Variants in EYS observed in about 807,000 individuals in gnomAD.
The protein encoded by EYS is protein eyes shut homolog.
EYS carries 250 observed loss-of-function variants against 282.1 expected under a neutral mutation model. That is an observed-to-expected ratio of 0.89 (90% CI 0.80 to 0.98). The LOEUF (loss-of-function observed/expected upper bound fraction) is 0.98. Ranked by LOEUF, EYS falls within the 50% of genes least tolerant of loss-of-function variation. The pLI is 0.00. For missense variants in EYS, 4,016 were observed against 3,709.0 expected, an observed-to-expected ratio of 1.08 and a Z score of -2.15; for synonymous variants, 1,355 against 1,282.9, an observed-to-expected ratio of 1.06 and a Z score of -1.20.
intron 12 of EYS, among the ~76,000 whole-genome samples, chr6:65,081,662 C>T (rs1406885718): frequency 1.3e-5 from 2 of 151,798 alleles, no homozygotes; most frequent in African/African-American, 4.8e-5. Context: ...TTTTGATTGG[C>T]AATATGAATT....
At chr6:65,047,639 A>G (rs942497295) in intron 13 of EYS, among the ~76,000 whole-genome samples, 1 of 151,904 alleles carries the variant, frequency 6.6e-6, no homozygotes, top group Non-Finnish European at 1.5e-5. Context: ...TGTAGTTTCT[A>G]CTTCTGGTCT....
At chr6:65,470,779 A>C (rs1765179895) in intron 5 of EYS, among the ~76,000 whole-genome samples, 1 of 152,156 alleles carries the variant, frequency 6.6e-6, no homozygotes, top group South Asian at 2.1e-4. Flanking sequence ...ATAAGTTGTT[A>C]AGTGTGATAC....
chr6:65,358,811 G>T (rs1317388729), intron 8 of EYS, among the ~76,000 whole-genome samples: 1 of 152,008 alleles, frequency 6.6e-6, no homozygotes, highest in African/African-American at 2.4e-5. Flanking sequence ...TACATTAATT[G>T]CAGTAAACAA....
At chr6:64,258,421 A>T (rs571637629) in intron 30 of EYS, among the ~76,000 whole-genome samples, 37 of 152,140 alleles carry the variant, frequency 2.4e-4, no homozygotes, top group African/African-American at 8.2e-4. Flanking sequence ...AACTTTCCAT[A>T]CTGTTTAATA....
chr6:63,823,658 C>A (rs1259780463), intron 36 of EYS, among the ~76,000 whole-genome samples: 1 of 151,966 alleles, frequency 6.6e-6, no homozygotes, highest in African/African-American at 2.4e-5. Flanking sequence ...TAATAATAAC[C>A]AAGTTCTTTT....
At chr6:65,635,661 A>C (rs1336592167) in intron 2 of EYS, among the ~76,000 whole-genome samples, 1 of 152,144 alleles carries the variant, frequency 6.6e-6, no homozygotes, top group Non-Finnish European at 1.5e-5. Flanking sequence ...CCAAAACTCA[A>C]CCACCTTTGT....
rs542460411 is a variant in EYS, at chr6:65,242,457, A to T, written c.2023+53406T>A. On this transcript the variant is annotated intron_variant, in intron 12 of 42. Transcript: ENST00000503581. Reference sequence around the variant, plus strand: ...ATTTAGTGGCATGCGTCAGTATGTCATTCCTTTGTATCGCCATCTAATCTT... The same window carrying T: ...ATTTAGTGGCATGCGTCAGTATGTCTTTCCTTTGTATCGCCATCTAATCTT... 2.8e-4 allele frequency among the ~76,000 whole-genome samples: 43 copies of T among 152,194 alleles called. 1 individual carries two copies. Among genetic ancestry groups the T allele is most frequent in the African/African-American group, 1.0e-3 (43 of 41,556 alleles).
chr6:65,107,463 C>T (rs1238939980), intron 12 of EYS, among the ~76,000 whole-genome samples: 2 of 146,932 alleles, frequency 1.4e-5, no homozygotes, highest in Non-Finnish European at 3.0e-5. Flanking sequence ...TAAATCTGAA[C>T]AATTGGCTCC....
chr6:64,292,081 A>G (rs1377364707), intron 30 of EYS, among the ~76,000 whole-genome samples: 2 of 152,130 alleles, frequency 1.3e-5, no homozygotes, highest in Non-Finnish European at 2.9e-5. Flanking sequence ...AGATTATGTC[A>G]GTAGTAAGCA....
chr6:64,389,924 C>T (rs569081994), intron 28 of EYS, among the ~76,000 whole-genome samples: 18 of 151,810 alleles, frequency 1.2e-4, no homozygotes, highest in African/African-American at 3.4e-4. Context: ...GCACACCGTG[C>T]GCCAGCCGAA....
chr6:65,581,687 T>C (rs1007324027), intron 2 of EYS, among the ~76,000 whole-genome samples: 4 of 152,142 alleles, frequency 2.6e-5, no homozygotes, highest in Admixed American at 6.6e-5. Flanking sequence ...AGTACCTATA[T>C]TCACCTAACC....
rs537190600 is a variant in EYS, at chr6:63,907,985, T to C, written c.7056-43627A>G. The stretch of plus-strand genomic sequence containing the variant: ...GCCTGAATAGTATTGACTGTATATA[T>C]GTACACACACACACACACACACAAA... On this transcript the variant is annotated intron_variant, in intron 35 of 42. Transcript: ENST00000503581. Among the ~76,000 whole-genome samples, 4 of 99,822 alleles carry C rather than the reference T, an allele frequency of 4.0e-5. No homozygotes were observed. The South Asian group carries it at 1.2e-3, about 29-fold the overall frequency. 65.5% of individuals were successfully genotyped at this position (99,822 alleles called of 152,430 possible).
chr6:65,328,211 T>C (rs1267638385), intron 11 of EYS, among the ~76,000 whole-genome samples: 1 of 151,452 alleles, frequency 6.6e-6, no homozygotes, highest in Non-Finnish European at 1.5e-5. Flanking sequence ...TCCAGTCAAT[T>C]ATTCTGAATA....
At chr6:65,343,319 T>C (rs557124086) in intron 10 of EYS, among the ~76,000 whole-genome samples, 190 of 151,462 alleles carry the variant, frequency 1.3e-3, no homozygotes, top group African/African-American at 4.5e-3. Flanking sequence ...AACATGGCTT[T>C]CTTAAAATGA....
At chr6:64,125,859 A>G (rs1294103086) in intron 31 of EYS, among the ~76,000 whole-genome samples, 1 of 150,572 alleles carries the variant, frequency 6.6e-6, no homozygotes, top group African/African-American at 2.4e-5. Context: ...CTCGATTACC[A>G]CACTCAATAT....
intron 13 of EYS, among the ~76,000 whole-genome samples, chr6:65,012,128 A>C (rs1165883098): frequency 6.6e-6 from 1 of 152,210 alleles, no homozygotes; most frequent in African/African-American, 2.4e-5. Flanking sequence ...TCTAATCTTA[A>C]TAGAAATACT....
chr6:64,567,134 T>A (rs906226178), intron 26 of EYS, among the ~76,000 whole-genome samples: 1 of 151,756 alleles, frequency 6.6e-6, no homozygotes. Flanking sequence ...CTTATTTTTT[T>A]AAGCTAGGAC....
intron 22 of EYS, among the ~76,000 whole-genome samples, chr6:64,654,265 A>T (rs1768669577): frequency 6.6e-6 from 1 of 152,200 alleles, no homozygotes; most frequent in Non-Finnish European, 1.5e-5. Context: ...AATTAATGAT[A>T]CCTCTCACTT....
At chr6:65,425,047 A>G (rs904925119) in intron 5 of EYS, among the ~76,000 whole-genome samples, 2 of 152,118 alleles carry the variant, frequency 1.3e-5, no homozygotes, top group Non-Finnish European at 2.9e-5. Context: ...TGTGCAATTC[A>G]GTACCAAAGC....
Sources: gnomAD v4.1 joint callset for allele counts (sites outside exome capture counted in the v4.1 genomes callset) on GRCh38, gnomAD v4.1.1 for gene constraint, MANE v1.5 for transcripts, NCBI Gene and HGNC (gene_info 2026-07-23, HGNC 2026-07-21) for gene names.